Variants in KIAA0930 observed in about 807,000 individuals in gnomAD.
KIAA0930 encodes the protein KIAA0930, also known as uncharacterized protein KIAA0930.
KIAA0930 carries 24 observed loss-of-function variants against 43.9 expected under a neutral mutation model. The ratio of observed to expected loss-of-function variants is 0.55; its 90% CI spans 0.40 to 0.77. The LOEUF is 0.77. Among genes scored for constraint, KIAA0930 ranks in the 30% least tolerant of loss-of-function variants. The pLI is 0.00. For missense variants in KIAA0930, 461 were observed against 574.2 expected (o/e 0.80, Z 2.02); for synonymous variants, 259 against 216.4 (o/e 1.20, Z -1.73).
chr22:45,213,185 C>T (rs2083709378), intron 1 of KIAA0930: 1 of 655,252 alleles, frequency 1.5e-6, no homozygotes, highest in Admixed American at 2.9e-5. Context: ...AAATGCAGAA[C>T]ACCCCAGCCT....
rs753705762 is a variant in KIAA0930 at position 45,212,069 on chromosome 22, T to A, written c.103A>T (p.Met35Leu). ...TTCTCCATGAAGTAGGTGGAGAACA[T>A]CCAAGTCCAGAAGACGATGCGGTCA... Reference protein sequence around the residue: ...KDDRIVFWTWMFSTYFMEKWA... With the variant: ...KDDRIVFWTWLFSTYFMEKWA... The change falls in exon 2 of 10, where the codon ATG becomes TTG. Residue 35 changes from methionine to leucine, a missense_variant. By Grantham distance (15) the Met-to-Leu change is conservative. Transcript: ENST00000336156. 6.2e-7 allele frequency: 1 copy of A among 1,613,884 alleles called. No homozygotes were observed. Among genetic ancestry groups the A allele is most frequent in the Non-Finnish European group, 8.5e-7 (1 of 1,180,014 alleles).
At chr22:45,204,123 G>A in intron 5 of KIAA0930, 138 bp from the exon 6 acceptor site, 1 of 1,112,552 alleles carries the variant, frequency 9.0e-7, no homozygotes, top group Non-Finnish European at 1.3e-6. Flanking sequence ...CACTCCTGTG[G>A]CCCCATGCCC....
intron 1 of KIAA0930, among the ~76,000 whole-genome samples, chr22:45,214,894 G>A (rs1371992659): frequency 6.6e-6 from 1 of 152,150 alleles, no homozygotes; most frequent in Admixed American, 6.6e-5. Context: ...GGGGGACAAA[G>A]TGAGACCCTG....
chr22:45,237,210 G>A (rs2083893029), intron 1 of KIAA0930, among the ~76,000 whole-genome samples: 1 of 152,244 alleles, frequency 6.6e-6, no homozygotes, highest in Non-Finnish European at 1.5e-5. Flanking sequence ...GCAGTGTCCT[G>A]TGGATGCAAC....
intron 9 of KIAA0930, among the ~76,000 whole-genome samples, chr22:45,197,556 T>G (rs555492049): frequency 6.6e-6 from 1 of 152,134 alleles, no homozygotes; most frequent in East Asian, 1.9e-4. Flanking sequence ...CTGTGGCCAC[T>G]CAAGAGGGGA....
chr22:45,234,922 G>A (rs2083877651), intron 1 of KIAA0930, among the ~76,000 whole-genome samples: 3 of 152,172 alleles, frequency 2.0e-5, no homozygotes, highest in South Asian at 4.1e-4. Context: ...ACTTTGCAAA[G>A]TTAATGGTGT....
At chr22:45,217,360 CAAAAAAAAAAAA>C (rs58492110) in intron 1 of KIAA0930, among the ~76,000 whole-genome samples, 8 of 68,736 alleles carry the variant, frequency 1.2e-4, no homozygotes, top group Middle Eastern at 8.1e-3. Context: ...GACCCCGTCT[CAAAAAAAAAAAA>C]AAAAAAAAAA....
At chr22:45,214,885 G>C (rs1280819257) in intron 1 of KIAA0930, among the ~76,000 whole-genome samples, 1 of 152,116 alleles carries the variant, frequency 6.6e-6, no homozygotes, top group African/African-American at 2.4e-5. Context: ...CTCCTGCCTG[G>C]GGGACAAAGT....
chr22:45,232,232 T>C (rs896112601), intron 1 of KIAA0930, among the ~76,000 whole-genome samples: 3 of 152,164 alleles, frequency 2.0e-5, no homozygotes, highest in Non-Finnish European at 2.9e-5. Context: ...GCAGCACTTC[T>C]CTATTATAAT....
chr22:45,240,062 C>G (rs2083907461), intron 1 of KIAA0930, among the ~76,000 whole-genome samples: 1 of 152,102 alleles, frequency 6.6e-6, no homozygotes. Flanking sequence ...AGGCCCTGCC[C>G]CTCAGCCAAG....
chr22:45,235,654 C>T (rs1202226500), intron 1 of KIAA0930, among the ~76,000 whole-genome samples: 1 of 152,054 alleles, frequency 6.6e-6, no homozygotes, highest in Non-Finnish European at 1.5e-5. Context: ...TGCTTTGTAT[C>T]CTGGATAATA....
chr22:45,206,757 C>T (rs2083641960), intron 2 of KIAA0930, among the ~76,000 whole-genome samples: 2 of 150,476 alleles, frequency 1.3e-5, no homozygotes, highest in African/African-American at 4.9e-5. Context: ...GGCTACAGTG[C>T]AACACATCTT....
chr22:45,212,670 G>C (rs1414386166), intron 1 of KIAA0930, among the ~76,000 whole-genome samples: 1 of 152,258 alleles, frequency 6.6e-6, no homozygotes, highest in Non-Finnish European at 1.5e-5. Flanking sequence ...GCAGCTTCGT[G>C]CTCATCTGAT....
intron 4 of KIAA0930, 128 bp downstream of exon 4, chr22:45,205,502 G>C (rs1428085540): frequency 2.1e-6 from 2 of 960,868 alleles, no homozygotes; most frequent in South Asian, 1.5e-5. Flanking sequence ...CCCAGGAGCT[G>C]AGCAGATTTC....
chr22:45,201,488 G>A (rs2083588531), intron 7 of KIAA0930, among the ~76,000 whole-genome samples: 1 of 152,154 alleles, frequency 6.6e-6, no homozygotes, highest in Non-Finnish European at 1.5e-5. Flanking sequence ...GCTGGAGGTG[G>A]CACCCGGGTT....
At chr22:45,237,846 G>A (rs1045831686) in intron 1 of KIAA0930, among the ~76,000 whole-genome samples, 1 of 151,980 alleles carries the variant, frequency 6.6e-6, no homozygotes, top group Non-Finnish European at 1.5e-5. Context: ...GGTGAGAGGT[G>A]CGCTCCACTC....
At chr22:45,202,206 C>G (rs781263749) in intron 7 of KIAA0930, among the ~76,000 whole-genome samples, 25 of 152,284 alleles carry the variant, frequency 1.6e-4, no homozygotes, top group Non-Finnish European at 3.5e-4. Flanking sequence ...CTTCCAAGAA[C>G]TACAGCTCTG....
intron 1 of KIAA0930, among the ~76,000 whole-genome samples, chr22:45,224,261 C>A (rs1452656715): frequency 6.6e-6 from 1 of 152,166 alleles, no homozygotes; most frequent in African/African-American, 2.4e-5. Context: ...CGCACATGCC[C>A]ACAGTGAAGG....
intron 1 of KIAA0930, among the ~76,000 whole-genome samples, chr22:45,214,269 T>A (rs183080785): frequency 6.6e-6 from 1 of 152,194 alleles, no homozygotes; most frequent in Admixed American, 6.5e-5. Flanking sequence ...CACTAGCCAC[T>A]CCTAGGTACC....
Sources: allele counts gnomAD v4.1 joint callset (sites outside exome capture counted in the v4.1 genomes callset), GRCh38; gene constraint gnomAD v4.1.1; transcripts MANE v1.5; gene names NCBI Gene and HGNC (gene_info 2026-07-23, HGNC 2026-07-21).